DLAT: variants seen among roughly 807,000 people sequenced by gnomAD.
DLAT encodes dihydrolipoyllysine-residue acetyltransferase component of pyruvate dehydrogenase complex, mitochondrial.
A neutral mutation model predicts 68.0 loss-of-function variants in DLAT; 43 were observed. That is an observed-to-expected ratio of 0.63 (90% CI 0.50 to 0.81). The LOEUF (loss-of-function observed/expected upper bound fraction) is 0.81, where lower values mean the gene tolerates loss of function less well. Among genes scored for constraint, DLAT ranks in the 40% least tolerant of loss-of-function variants. DLAT has a pLI of 0.00. For missense variants in DLAT, 745 were observed against 815.4 expected (o/e 0.91, Z 1.05); for synonymous variants, 265 against 288.6 (o/e 0.92, Z 0.83).
chr11:112,026,802 C>T (rs1300627070), intron 2 of DLAT, among the ~76,000 whole-genome samples: 1 of 152,228 alleles, frequency 6.6e-6, no homozygotes, highest in Non-Finnish European at 1.5e-5. Flanking sequence ...CCATTGTCAT[C>T]ATGGCCCGTT....
At chr11:112,036,163 A>ATGTGTGTGTGTG (rs1862725811) in intron 5 of DLAT, among the ~76,000 whole-genome samples, 1 of 101,980 alleles carries the variant, frequency 9.8e-6, no homozygotes, top group African/African-American at 4.3e-5. Flanking sequence ...ATGTGTGTGT[A>ATGTGTGTGTGTG]TATATGTGTG....
At chr11:112,062,365 T>G (rs1555183351) in intron 13 of DLAT, 41 bp from the exon 14 acceptor site, 1 of 1,610,174 alleles carries the variant, frequency 6.2e-7, no homozygotes, top group East Asian at 2.2e-5. Flanking sequence ...AAATGCAGTA[T>G]TTTCTTTCAG....
At chr11:112,055,177 C>T (rs1863932276) in intron 11 of DLAT, among the ~76,000 whole-genome samples, 1 of 151,700 alleles carries the variant, frequency 6.6e-6, no homozygotes, top group Non-Finnish European at 1.5e-5. Flanking sequence ...TTTTCTGGAG[C>T]CTGGCAGAAA....
intron 5 of DLAT, among the ~76,000 whole-genome samples, chr11:112,036,187 GTGTGTGTGTGTGTGTTTTTTTTT>G (rs1862737318): frequency 1.4e-5 from 1 of 72,282 alleles, no homozygotes; most frequent in Non-Finnish European, 2.7e-5. Context: ...GTGTGTGTGT[GTGTGTGTGTGTGTGTTTTTTTTT>G]TTTTTTTTTT....
intron 2 of DLAT, among the ~76,000 whole-genome samples, chr11:112,028,014 A>T (rs1862171710): frequency 6.6e-6 from 1 of 152,162 alleles, no homozygotes; most frequent in East Asian, 1.9e-4. Flanking sequence ...AATTGACTGA[A>T]CATTGACTTT....
At chr11:112,040,569 C>T (rs1425381363) in intron 7 of DLAT, among the ~76,000 whole-genome samples, 4 of 152,036 alleles carry the variant, frequency 2.6e-5, no homozygotes, top group Admixed American at 1.3e-4. Flanking sequence ...GTGGTTATCC[C>T]GTATCTGCAA....
intron 5 of DLAT, among the ~76,000 whole-genome samples, chr11:112,036,201 G>GTTTTTTTTTTTTTTTTTTTTTTT (rs1167345612): frequency 2.7e-5 from 1 of 36,474 alleles, no homozygotes; most frequent in African/African-American, 9.0e-5. Flanking sequence ...GTGTGTGTGT[G>GTTTTTTTTTTTTTTTTTTTTTTT]TTTTTTTTTT....
intron 11 of DLAT, among the ~76,000 whole-genome samples, chr11:112,057,889 G>A (rs1555182740): frequency 6.6e-6 from 1 of 152,182 alleles, no homozygotes; most frequent in Non-Finnish European, 1.5e-5. Flanking sequence ...TAGCAATAAA[G>A]TATTTTTAAA....
rs781898338 is a variant in DLAT, at chr11:112,033,470, G to T, written c.727G>T (p.Gly243Cys). ...GTVQRWEKKV[G>C]EKLSEGDLLA... ...AGTTCAGAGATGGGAAAAAAAAGTG[G>T]GTGAGAAGCTAAGTGAAGGAGACTT... The change falls in exon 5 of 14, where the codon GGT becomes TGT. Residue 243 changes from glycine (G) to cysteine (C), a missense_variant. Physicochemically the swap from Gly to Cys is radical, Grantham distance 159 (BLOSUM62 -3). Transcript: ENST00000280346. 6.2e-7 allele frequency: 1 copy of T among 1,613,916 alleles called. No individual in the cohort carries two copies. The highest frequency in any genetic ancestry group is 8.5e-7 in the Non-Finnish European group (1 of 1,179,924).
intron 6 of DLAT, among the ~76,000 whole-genome samples, chr11:112,037,892 C>CT (rs1555180695): frequency 6.6e-6 from 1 of 151,500 alleles, no homozygotes; most frequent in African/African-American, 2.4e-5. Flanking sequence ...TGAATAATCT[C>CT]TGTCACTTGA....
intron 7 of DLAT, 56 bp from the exon 8 acceptor site, chr11:112,043,410 C>A (rs1335691483): frequency 2.0e-6 from 3 of 1,513,442 alleles, no homozygotes; most frequent in Non-Finnish European, 2.8e-6. Flanking sequence ...CAGCGTTGAT[C>A]TCCTTGGGGA....
intron 4 of DLAT, chr11:112,032,648 GT>G (rs1483380253): frequency 2.0e-5 from 3 of 152,200 alleles, no homozygotes; most frequent in Non-Finnish European, 2.9e-5. Context: ...ATCTGGTAAG[GT>G]TGGGACAAAT....
In DLAT at chr11:112,025,768, C is replaced by A. The variant is rs782503579; in HGVS notation, c.279+17C>A. The A allele has an allele frequency of 6.2e-7, 1 of 1,612,700 alleles. No homozygotes were observed. The highest frequency in any genetic ancestry group is 1.1e-5 in the South Asian group (1 of 91,034). ...CATCAGAAGGTGAGCCCTAGACCCC[C>A]CTTCTCGGGACCCCGTTGTCCTTCA... On this transcript the variant is annotated intron_variant, in intron 1 of 13. Coordinates refer to ENST00000280346, the MANE Select transcript of DLAT (RefSeq NM_001931.5).
intron 4 of DLAT, chr11:112,030,360 A>G (rs1555179861): frequency 6.5e-6 from 3 of 460,900 alleles, no homozygotes; most frequent in Admixed American, 2.6e-5. Flanking sequence ...TGAAGTTGCC[A>G]CCACCATGGC....
chr11:112,059,889 T>G lies in DLAT; in HGVS notation c.1515-14T>G, dbSNP rs1555182998. ...AAACAGTTTTTTATTATATTTATTT[T>G]TCTTTTTAAACAGAAATCATGTTGT... On this transcript the variant is annotated splice_polypyrimidine_tract_variant and intron_variant, in intron 11 of 13. Coordinates refer to ENST00000280346, the MANE Select transcript of DLAT (RefSeq NM_001931.5). 6.4e-7 allele frequency: 1 copy of G among 1,566,538 alleles called. No homozygotes were observed.
At chr11:112,060,641 T>C (rs1864533955) in intron 12 of DLAT, among the ~76,000 whole-genome samples, 1 of 151,958 alleles carries the variant, frequency 6.6e-6, no homozygotes, top group Admixed American at 6.6e-5. Flanking sequence ...TGTGTGTATG[T>C]TTTTAGTAGT....
chr11:112,040,781 A>C (rs587724869), intron 7 of DLAT, among the ~76,000 whole-genome samples: 62 of 152,280 alleles, frequency 4.1e-4, no homozygotes, highest in African/African-American at 1.4e-3. Context: ...TAACTTTTAA[A>C]GGGAGAAAGG....
In DLAT at chr11:112,045,200, C is replaced by T; in HGVS notation, c.1260C>T (p.Phe420=). Reference sequence around the variant, plus strand: ...TGGCACCAGTTCCTACAGGTGTCTTCACAGATATCCCAATCAGCAACATTC... The same window carrying T: ...TGGCACCAGTTCCTACAGGTGTCTTTACAGATATCCCAATCAGCAACATTC... ...PGMAPVPTGV[F]TDIPISNIRR... is the part of the protein sequence containing the mutation. Residue 420 remains phenylalanine, a synonymous_variant, in exon 9 of 14, where the codon TTC becomes TTT. Coordinates refer to ENST00000280346, the MANE Select transcript of DLAT (RefSeq NM_001931.5). 1 of 1,614,122 alleles carries T rather than the reference C, an allele frequency of 6.2e-7. No homozygotes were observed. The highest frequency in any genetic ancestry group is 1.6e-4 in the Middle Eastern group (1 of 6,062).
chr11:112,031,828 C>T (rs921978075), intron 4 of DLAT, among the ~76,000 whole-genome samples: 1 of 147,264 alleles, frequency 6.8e-6, no homozygotes, highest in Non-Finnish European at 1.5e-5. Context: ...GATCCTCCTG[C>T]ATCAGCCTAC....
Sources: allele counts gnomAD v4.1 joint callset (sites outside exome capture counted in the v4.1 genomes callset), GRCh38; gene constraint gnomAD v4.1.1; transcripts MANE v1.5; gene names NCBI Gene and HGNC (gene_info 2026-07-23, HGNC 2026-07-21).